Variants in SARDH observed in about 807,000 individuals in gnomAD.
SARDH encodes the protein sarcosine dehydrogenase, mitochondrial.
A neutral mutation model predicts 109.1 loss-of-function variants in SARDH; 95 were observed. The observed-to-expected ratio is 0.87, with a 90% CI of 0.74 to 1.03. SARDH has a LOEUF of 1.03. Among genes scored for constraint, SARDH ranks in the 50% least tolerant of loss-of-function variants. The probability of loss-of-function intolerance (pLI) is 0.00; values close to 1 mark genes in which losing one functional copy is unlikely to be tolerated. For missense variants in SARDH, 1,267 were observed against 1,287.8 expected (o/e 0.98, Z 0.25); for synonymous variants, 572 against 534.8 (o/e 1.07, Z -0.96).
rs1247605913 is a variant in SARDH at position 133,704,831 on chromosome 9, A to G, written c.1554+117T>C. ...CGTGTGCAGAATAACTGATCACGAC[A>G]GTGGAACCACCTGGGGAGGCGGGGC... On this transcript the variant is annotated intron_variant, in intron 12 of 20. Coordinates refer to ENST00000439388, the MANE Select transcript of SARDH (RefSeq NM_001134707.2). The surrounding 1 kb of genome is among the most constrained non-coding windows in gnomAD (Gnocchi z 4.5). 3 of 845,584 alleles carry G rather than the reference A, an allele frequency of 3.5e-6. No homozygotes were observed. The highest frequency in any genetic ancestry group is 2.7e-5 in the East Asian group (1 of 37,248). The allele number at this position is 845,584 out of a possible 1,614,324, so 52.4% of individuals were successfully genotyped here. A position where few individuals can be genotyped will look rare whatever the true frequency, so the allele number is the denominator to read the frequency against.
chr9:133,697,930 C>A (rs1286366256), intron 13 of SARDH, among the ~76,000 whole-genome samples: 1 of 143,438 alleles, frequency 7.0e-6, no homozygotes, highest in African/African-American at 2.6e-5. Flanking sequence ...AAAAGGCATC[C>A]AGATCAGAAA....
intron 19 of SARDH, among the ~76,000 whole-genome samples, chr9:133,668,189 G>A (rs1293928956): frequency 6.6e-6 from 1 of 151,770 alleles, no homozygotes; most frequent in Non-Finnish European, 1.5e-5. Context: ...GATTCAGGGA[G>A]CTGGACAGGC....
Position 133,696,334 on chromosome 9 carries a change from C to T in SARDH, c.1696G>A (p.Gly566Arg). 2 of 1,614,142 alleles carry T rather than the reference C, an allele frequency of 1.2e-6. No homozygotes were observed. Residue 566 changes from glycine (G) to arginine (R), a missense_variant, in exon 14 of 21, where the codon GGG becomes AGG. Coordinates refer to ENST00000439388, the MANE Select transcript of SARDH (RefSeq NM_001134707.2). ...TIKKECLACR[G>R]AAAVFDMSYF... The stretch of plus-strand genomic sequence containing the variant: ...GACATGTCAAACACAGCGGCGGCCC[C>T]TCTGCAGGCCAGGCACTCCTTCTTG...
chr9:133,722,673 CTCTCTT>C (rs1832368094), intron 6 of SARDH, among the ~76,000 whole-genome samples: 1 of 135,564 alleles, frequency 7.4e-6, no homozygotes, highest in Non-Finnish European at 1.7e-5. Flanking sequence ...CTCTCTCTCT[CTCTCTT>C]TCTCTCTTTC....
intron 6 of SARDH, among the ~76,000 whole-genome samples, chr9:133,723,448 T>C (rs1468221115): frequency 1.3e-5 from 2 of 152,166 alleles, no homozygotes; most frequent in African/African-American, 4.8e-5. Flanking sequence ...GATCAATGGA[T>C]TAGAATTGAG....
chr9:133,679,407 C>T (rs129945), intron 17 of SARDH, among the ~76,000 whole-genome samples: 2,141 of 152,352 alleles, frequency 0.014, 14 homozygotes, highest in Non-Finnish European at 0.021. Context: ...TAGGACTTCT[C>T]GCTGTCAGGA....
At position 133,707,116 on chromosome 9, in the gene SARDH, C is replaced by T. The variant is rs191700689; in HGVS notation, c.1470+1171G>A. On this transcript the variant is annotated intron_variant, in intron 11 of 20. Coordinates refer to ENST00000439388, the MANE Select transcript of SARDH (RefSeq NM_001134707.2). ...AAGAAAGAAAGAGAACAAACTTAAGCGGCTGTCAAGTGTCGCAAGAAGGCT... is the reference window on the plus strand; with the variant it reads ...AAGAAAGAAAGAGAACAAACTTAAGTGGCTGTCAAGTGTCGCAAGAAGGCT... Among the ~76,000 whole-genome samples the T allele has an allele frequency of 5.1e-4, 78 of 152,282 alleles. 1 individual carries two copies. The highest frequency in any genetic ancestry group is 2.1e-3 in the South Asian group (10 of 4,816).
At chr9:133,715,074 G>T (rs568541270) in intron 8 of SARDH, among the ~76,000 whole-genome samples, 3 of 152,090 alleles carry the variant, frequency 2.0e-5, no homozygotes, top group Non-Finnish European at 4.4e-5. Context: ...ACCTTGGTGA[G>T]CTCCACCATC....
chr9:133,687,751 C>G (rs796120899), intron 16 of SARDH, among the ~76,000 whole-genome samples: 49 of 152,310 alleles, frequency 3.2e-4, no homozygotes, highest in African/African-American at 1.1e-3. Context: ...CTCACACAGC[C>G]CCTACTCCAT....
intron 17 of SARDH, 31 bp downstream of exon 17, chr9:133,685,162 G>T: frequency 6.3e-7 from 1 of 1,589,526 alleles, no homozygotes. Flanking sequence ...TGCCACCCAC[G>T]ACCCAGAGGA....
rs537822971 is a variant in SARDH at position 133,706,087 on chromosome 9, C to T, written c.1471-1056G>A. ...TGCCCTAGCAGAAAGATGCACCATA[C>T]GACCCAGCAATTCCACTCCCAAGTA... On this transcript the variant is annotated intron_variant, in intron 11 of 20. Transcript: ENST00000439388. Among the ~76,000 whole-genome samples the T allele has an allele frequency of 3.3e-5, 5 of 152,344 alleles. No individual in the cohort carries two copies. The East Asian group carries it at 9.6e-4, about 29-fold the overall frequency.
In SARDH at chr9:133,704,462, A is replaced by G. The variant is rs1181018530; in HGVS notation, c.1554+486T>C. On this transcript the variant is annotated intron_variant, in intron 12 of 20. Coordinates refer to ENST00000439388, the MANE Select transcript of SARDH (RefSeq NM_001134707.2). The surrounding 1 kb of genome is among the most constrained non-coding windows in gnomAD (Gnocchi z 4.5). The stretch of plus-strand genomic sequence containing the variant: ...CCCTGGGAGTCCCCAGAGGACGCCC[A>G]GAGTCCAGGCCACTGTGAAACCTCC... Among the ~76,000 whole-genome samples, 1 of 152,144 alleles carries G rather than the reference A, an allele frequency of 6.6e-6. No homozygotes were observed. Among genetic ancestry groups the G allele is most frequent in the Non-Finnish European group, 1.5e-5 (1 of 68,016 alleles).
At chr9:133,684,381 T>A (rs982744511) in intron 17 of SARDH, among the ~76,000 whole-genome samples, 2 of 152,216 alleles carry the variant, frequency 1.3e-5, no homozygotes, top group Non-Finnish European at 2.9e-5. Context: ...CATGGGAAAG[T>A]GTGCTGTGAT....
At chr9:133,732,798 G>A (rs1316989531) in intron 2 of SARDH, among the ~76,000 whole-genome samples, 197 bp from the exon 3 acceptor site, 1 of 152,142 alleles carries the variant, frequency 6.6e-6, no homozygotes, top group Non-Finnish European at 1.5e-5. Context: ...GGGAGGTCCC[G>A]CCCTTGGGCA....
chr9:133,685,354 C>CG, intron 16 of SARDH, 68 bp from the exon 17 acceptor site: 22 of 1,311,276 alleles, frequency 1.7e-5, no homozygotes, highest in East Asian at 7.3e-5. Flanking sequence ...GGAAAGGCCC[C>CG]GGGGACCTGC....
At chr9:133,735,137 A>G (rs1832840122) in intron 1 of SARDH, among the ~76,000 whole-genome samples, 1 of 152,188 alleles carries the variant, frequency 6.6e-6, no homozygotes. Flanking sequence ...CCAACCCCCA[A>G]GCCTGGAGCC....
downstream of SARDH, among the ~76,000 whole-genome samples, chr9:133,663,327 G>A (rs1276765955): frequency 2.0e-5 from 3 of 152,266 alleles, no homozygotes; most frequent in Non-Finnish European, 4.4e-5. Context: ...GGGAGGTCGA[G>A]CAAGGTAAGA....
At chr9:133,722,642 G>GCTCTCTCTCTCTCT (rs56179331) in intron 6 of SARDH, among the ~76,000 whole-genome samples, 190 of 145,788 alleles carry the variant, frequency 1.3e-3, no homozygotes, top group South Asian at 6.0e-3. Context: ...AACTACTAGC[G>GCTCTCTCTCTCTCT]CTCTCTCTCT....
In SARDH at chr9:133,718,601, G is replaced by T. The variant is rs1038024720; in HGVS notation, c.1020+337C>A. 1 of 766,370 alleles carries T rather than the reference G, an allele frequency of 1.3e-6. No homozygotes were observed. Among genetic ancestry groups the T allele is most frequent in the Admixed American group, 1.7e-5 (1 of 58,804 alleles). 47.5% of individuals were successfully genotyped at this position (766,370 alleles called of 1,614,324 possible). On this transcript the variant is annotated intron_variant, in intron 7 of 20. Coordinates refer to ENST00000439388, the MANE Select transcript of SARDH (RefSeq NM_001134707.2). The surrounding 1 kb of genome is among the most constrained non-coding windows in gnomAD (Gnocchi z 4.2). ...AGCCCAGGCCAGGGGAAATGCCGCTGCAGCAGCTGGTTGGGAGGGCAGTGT... is the reference window on the plus strand; with the variant it reads ...AGCCCAGGCCAGGGGAAATGCCGCTTCAGCAGCTGGTTGGGAGGGCAGTGT...
Sources: allele counts gnomAD v4.1 joint callset (sites outside exome capture counted in the v4.1 genomes callset), GRCh38; gene constraint gnomAD v4.1.1; non-coding constraint Gnocchi (gnomAD v3.1); transcripts MANE v1.5; gene names NCBI Gene and HGNC (gene_info 2026-07-23, HGNC 2026-07-21).